MYH4: variants seen among roughly 807,000 people sequenced by gnomAD.
The protein encoded by MYH4 is myosin-4.
A neutral mutation model predicts 229.9 loss-of-function variants in MYH4; 200 were observed. The observed-to-expected ratio is 0.87, with a 90% confidence interval of 0.78 to 0.98. The LOEUF (loss-of-function observed/expected upper bound fraction) is 0.98. Ranked by LOEUF, MYH4 falls within the 50% of genes least tolerant of loss-of-function variation. The pLI is 0.00. For missense variants in MYH4, 2,148 were observed against 2,332.6 expected, an observed-to-expected ratio of 0.92 and a Z score of 1.63; for synonymous variants, 761 against 834.6, an observed-to-expected ratio of 0.91 and a Z score of 1.52.
chr17:10,447,418 T>G (rs979126755), intron 34 of MYH4, among the ~76,000 whole-genome samples: 24 of 152,192 alleles, frequency 1.6e-4, no homozygotes, highest in Non-Finnish European at 2.6e-4. Context: ...TTTTAGACCC[T>G]GAATCATTAA....
At chr17:10,451,304 T>C (rs1597416882) in intron 28 of MYH4, 22 bp downstream of exon 28, 2 of 1,611,812 alleles carry the variant, frequency 1.2e-6, no homozygotes, top group East Asian at 4.5e-5. Flanking sequence ...TCTCCGAAGG[T>C]TGATGCTATT....
In MYH4 at chr17:10,448,240, T is replaced by G. The variant is rs1381097971; in HGVS notation, c.4657-114A>C. The G allele has an allele frequency of 7.0e-6, 9 of 1,287,330 alleles. No homozygotes were observed. In the African/African-American group the frequency reaches 7.5e-5, roughly 11 times the overall value. The allele number at this position is 1,287,330 out of a possible 1,614,324, so 79.7% of individuals were successfully genotyped here. A position where few individuals can be genotyped will look rare whatever the true frequency, so the allele number is the denominator to read the frequency against. On this transcript the variant is annotated intron_variant, in intron 33 of 39. Transcript: ENST00000255381. ...ACCCATAAACTATCATACGTCTTAATGTAGCCTATTAGCTCTGCATTCTCA... is the reference window on the plus strand; with the variant it reads ...ACCCATAAACTATCATACGTCTTAAGGTAGCCTATTAGCTCTGCATTCTCA...
chr17:10,459,196 A>C, intron 15 of MYH4, 55 bp downstream of exon 15: 1 of 1,613,590 alleles, frequency 6.2e-7, no homozygotes, highest in African/African-American at 1.3e-5. Flanking sequence ...GATTAAGCAC[A>C]GGGAGGCAAG....
chr17:10,460,411 C>G (rs568690199), intron 12 of MYH4, 90 bp from the exon 13 acceptor site: 5 of 1,084,334 alleles, frequency 4.6e-6, no homozygotes, highest in Middle Eastern at 2.9e-4. Flanking sequence ...AGGTTTCACT[C>G]AAAAAGTAAG....
In MYH4 at chr17:10,448,397, T is replaced by C; in HGVS notation, c.4655A>G (p.Glu1552Gly). 1.2e-6 allele frequency: 2 copies of C among 1,609,228 alleles called. No homozygotes were observed. Among genetic ancestry groups the C allele is most frequent in the Non-Finnish European group, 1.7e-6 (2 of 1,178,740 alleles). ...SELQTSLEEA[E>G]ASLEHEEGKI... is the part of the protein sequence containing the mutation. Reference sequence around the variant, plus strand: ...GAGCTAAGCAAATGAAAAATGTACCTCTGCTTCCTCTAGGGAAGTCTGTAG... The same window carrying C: ...GAGCTAAGCAAATGAAAAATGTACCCCTGCTTCCTCTAGGGAAGTCTGTAG... Residue 1552 changes from glutamate (E) to glycine (G), a missense_variant and splice_region_variant, in exon 33 of 40, where the codon GAG (glutamate) becomes GGG (glycine). Coordinates refer to ENST00000255381, the MANE Select transcript of MYH4 (RefSeq NM_017533.2).
chr17:10,450,708 T>C (rs2072563389), intron 29 of MYH4, 59 bp from the exon 30 acceptor site: 2 of 1,610,248 alleles, frequency 1.2e-6, no homozygotes, highest in Admixed American at 3.3e-5. Flanking sequence ...AAATTCTCTA[T>C]GCAAAGTTCA....
intron 11 of MYH4, among the ~76,000 whole-genome samples, chr17:10,461,981 G>A (rs929860777): frequency 2.6e-5 from 4 of 152,218 alleles, no homozygotes; most frequent in African/African-American, 9.6e-5. Context: ...TCGCAGACCA[G>A]GGTGTGTTTC....
chr17:10,462,723 A>C (rs2072715817), intron 11 of MYH4, 142 bp downstream of exon 11: 1 of 579,718 alleles, frequency 1.7e-6, no homozygotes. Context: ...ATATCCTACA[A>C]TTTTTTTCCA....
Position 10,450,758 on chromosome 17 carries a change from T to G in MYH4, c.3984+19A>C, listed in dbSNP as rs761051891. ...TGCACGGTTCAAGTGATTGAAAGTA[T>G]CAGCTGGAGAATTCTCACCTTAGTC... On this transcript the variant is annotated intron_variant, in intron 29 of 39. Coordinates refer to ENST00000255381, the MANE Select transcript of MYH4 (RefSeq NM_017533.2). 3.1e-6 allele frequency: 5 copies of G among 1,610,392 alleles called. No individual in the cohort carries two copies. The Admixed American group carries it at 6.7e-5, about 21-fold the overall frequency.
chr17:10,457,090 C>T (rs60195042), intron 16 of MYH4, among the ~76,000 whole-genome samples: 48,914 of 152,160 alleles, frequency 0.32, 9,014 homozygotes, highest in East Asian at 0.82. Flanking sequence ...TTCCTTATCT[C>T]CAGCCTAGCT....
intron 2 of MYH4, among the ~76,000 whole-genome samples, chr17:10,468,846 G>T (rs8064316): frequency 0.37 from 56,820 of 152,094 alleles, 11,781 homozygotes; most frequent in East Asian, 0.84. Context: ...CTAAATGCAG[G>T]TTTGTTAATT....
Position 10,447,032 on chromosome 17 carries a change from A to G in MYH4, c.5150T>C (p.Val1717Ala). The change falls in exon 35 of 40, where the codon GTG becomes GCG. Residue 1717 changes from valine (V) to alanine (A), a missense_variant. Transcript: ENST00000255381. ...CCTCACCTGAGTGTGCAGAAGTTGC[A>G]CACGTTCACTGGCATCCAGAAGCTC... The part of the protein sequence containing the change: ...EQELLDASER[V>A]QLLHTQNTSL... 2 of 1,614,070 alleles carry G rather than the reference A, an allele frequency of 1.2e-6. No homozygotes were observed. The highest frequency in any genetic ancestry group is 1.7e-6 in the Non-Finnish European group (2 of 1,179,994).
At chr17:10,454,019 A>C in intron 22 of MYH4, 134 bp from the exon 23 acceptor site, 1 of 1,217,750 alleles carries the variant, frequency 8.2e-7, no homozygotes, top group Non-Finnish European at 1.1e-6. Flanking sequence ...TTTAAAATGA[A>C]ACAGACAAAA....
At position 10,466,628 on chromosome 17, in the gene MYH4, C is replaced by G. The variant is rs1276154155; in HGVS notation, c.118G>C (p.Val40Leu). The change falls in exon 3 of 40, where the codon GTG becomes CTG. Residue 40 changes from valine (V) to leucine (L), a missense_variant. Coordinates refer to ENST00000255381, the MANE Select transcript of MYH4 (RefSeq NM_017533.2). ...KPFDAKTSVF[V>L]VDPKESYVKA... ...ACGTAGGACTCCTTAGGGTCCACCA[C>G]AAAGACTGATGTCTTGGCATCAAAA... 1 of 1,613,998 alleles carries G rather than the reference C, an allele frequency of 6.2e-7. No homozygotes were observed. The highest frequency in any genetic ancestry group is 8.5e-7 in the Non-Finnish European group (1 of 1,180,036).
rs756139177 is a variant in MYH4, at chr17:10,457,539, A to G, written c.1778T>C (p.Ile593Thr). ...VHYAGTVDYN[I>T]AGWLDKNKDP... ...CTTGTTTTTGTCCAGCCAGCCGGCG[A>G]TGTTGTAGTCCACGGTGCCGGCATA... Residue 593 changes from isoleucine to threonine, a missense_variant, in exon 16 of 40, where the codon ATC (isoleucine) becomes ACC (threonine). By Grantham distance (89) the Ile-to-Thr change is moderately conservative (BLOSUM62 -1). Coordinates refer to ENST00000255381, the MANE Select transcript of MYH4 (RefSeq NM_017533.2). 6.2e-7 allele frequency: 1 copy of G among 1,614,126 alleles called. No individual in the cohort carries two copies. Among genetic ancestry groups the G allele is most frequent in the South Asian group, 1.1e-5 (1 of 91,076 alleles).
rs371107874 is a variant in MYH4 at position 10,466,253 on chromosome 17, A to G, written c.348+20T>C. On this transcript the variant is annotated intron_variant, in intron 4 of 39. Transcript: ENST00000255381. ...GTAGAATGTGGAGTGAGTGAGAAAT[A>G]GCGTTGAAAGGGTGCTCACGTAGAT... The G allele has an allele frequency of 6.3e-5, 102 of 1,611,076 alleles. 1 individual carries two copies. In the African/African-American group the frequency reaches 1.3e-3, roughly 20 times the overall value.
rs942572347 is a variant in MYH4 at position 10,469,319 on chromosome 17, G to T, written c.-71C>A. The T allele has an allele frequency of 2.0e-5, 3 of 152,094 alleles. No homozygotes were observed. Among genetic ancestry groups the T allele is most frequent in the Non-Finnish European group, 4.4e-5 (3 of 68,004 alleles). The allele number at this position is 152,094 out of a possible 1,614,324, so 9.4% of individuals were successfully genotyped here. On this transcript the variant is annotated 5_prime_UTR_variant, in exon 2 of 40. Transcript: ENST00000255381. ...TATTATCAGATGAAGAAGGTGGCAGGCTCAAAGCAGACAACTACTGTTGAA... is the reference window on the plus strand; with the variant it reads ...TATTATCAGATGAAGAAGGTGGCAGTCTCAAAGCAGACAACTACTGTTGAA...
At chr17:10,454,448 G>T in intron 22 of MYH4, 107 bp downstream of exon 22, 1 of 1,421,834 alleles carries the variant, frequency 7.0e-7, no homozygotes, top group Non-Finnish European at 9.6e-7. Context: ...CCGAGTCTTG[G>T]TGTTTTTGAA....
Position 10,463,558 on chromosome 17 carries a change from G to A in MYH4, c.734C>T (p.Ser245Phe). 6.2e-7 allele frequency: 1 copy of A among 1,612,052 alleles called. No individual in the cohort carries two copies. The highest frequency in any genetic ancestry group is 1.1e-5 in the South Asian group (1 of 91,020). The change falls in exon 8 of 40, where the codon TCT becomes TTT. Residue 245 changes from serine to phenylalanine, a missense_variant. Transcript: ENST00000255381. ...NAKTVRNDNS[S>F]RFGKFIRIHF... ...GAAGATCAAGAGACTTACAAAGCGA[G>A]AGGAGTTGTCATTCCTCACGGTCTT...
Sources: allele counts gnomAD v4.1 joint callset (sites outside exome capture counted in the v4.1 genomes callset), GRCh38; gene constraint gnomAD v4.1.1; transcripts MANE v1.5; gene names NCBI Gene and HGNC (gene_info 2026-07-23, HGNC 2026-07-21).